The following ARHGAP32 variants were observed in gnomAD, a reference collection of about 807,000 sequenced individuals.
The protein encoded by ARHGAP32 is Rho GTPase activating protein 32.
ARHGAP32 carries 51 observed loss-of-function variants against 186.5 expected under a neutral mutation model. The observed-to-expected ratio is 0.27, with a 90% CI of 0.22 to 0.35. The LOEUF is 0.35. ARHGAP32 is among the 10% of genes least tolerant of loss of function. ARHGAP32 has a pLI of 1.00. For synonymous variants in ARHGAP32, 950 were observed against 964.3 expected, an observed-to-expected ratio of 0.99 and a Z score of 0.27; for missense variants, 2,186 against 2,623.5, an observed-to-expected ratio of 0.83 and a Z score of 3.64.
At chr11:129,139,929 C>T (rs932579369) in intron 2 of ARHGAP32, among the ~76,000 whole-genome samples, 2 of 152,150 alleles carry the variant, frequency 1.3e-5, no homozygotes, top group Non-Finnish European at 2.9e-5. Flanking sequence ...CCCTTGCCCC[C>T]CAAGATTCCC....
At chr11:129,064,812 T>C in intron 8 of ARHGAP32, 29 bp downstream of exon 8, 1 of 1,501,858 alleles carries the variant, frequency 6.7e-7, no homozygotes. Flanking sequence ...TAAATATACA[T>C]TTTTCATGAA....
intron 6 of ARHGAP32, among the ~76,000 whole-genome samples, chr11:129,070,912 G>A (rs1940847038): frequency 6.6e-6 from 1 of 151,882 alleles, no homozygotes; most frequent in South Asian, 2.1e-4. Context: ...ATATTTCTCA[G>A]TCACTTTTAT....
chr11:129,088,576 C>CTTAA (rs949838153), intron 6 of ARHGAP32, among the ~76,000 whole-genome samples: 8 of 152,234 alleles, frequency 5.3e-5, no homozygotes, highest in African/African-American at 1.9e-4. Context: ...GAGACTCCTT[C>CTTAA]TCAATCAATC....
intron 1 of ARHGAP32, among the ~76,000 whole-genome samples, chr11:129,277,472 C>T (rs1335430861): frequency 1.3e-5 from 2 of 152,312 alleles, no homozygotes; most frequent in Admixed American, 6.5e-5. Context: ...TTCCAACTAA[C>T]ATTTCCTCTC....
intron 1 of ARHGAP32, among the ~76,000 whole-genome samples, chr11:129,205,617 G>A (rs1375408166): frequency 6.6e-6 from 1 of 152,050 alleles, no homozygotes; most frequent in African/African-American, 2.4e-5. Flanking sequence ...CAGTCATATT[G>A]TTGAAGTAAT....
At chr11:128,978,975 A>G (rs1028782861) in intron 18 of ARHGAP32, 60 bp from the exon 19 acceptor site, 3 of 1,471,738 alleles carry the variant, frequency 2.0e-6, no homozygotes, top group Non-Finnish European at 2.7e-6. Flanking sequence ...TTTCTTACAG[A>G]AAAGAAATGA....
At chr11:129,088,618 C>A (rs1418310284) in intron 6 of ARHGAP32, among the ~76,000 whole-genome samples, 1 of 152,102 alleles carries the variant, frequency 6.6e-6, no homozygotes, top group Non-Finnish European at 1.5e-5. Context: ...CTTGATCAAC[C>A]AATTTCCAAA....
chr11:128,988,100 T>C lies in ARHGAP32; in HGVS notation c.1221A>G (p.Thr407=). Residue 407 remains threonine, a synonymous_variant, in exon 13 of 23, where the codon ACA becomes ACG. Coordinates refer to ENST00000682385, the MANE Select transcript of ARHGAP32 (RefSeq NM_001378024.1). Reference sequence around the variant, plus strand: ...CGATGCCATATCTCTCAATGAATGCTGTGCAGCTTTGAAGAACCTGCGGCA... The same window carrying C: ...CGATGCCATATCTCTCAATGAATGCCGTGCAGCTTTGAAGAACCTGCGGCA... ...FEVPQVLQSC[T]AFIERYGIVD... 1 of 1,612,998 alleles carries C rather than the reference T, an allele frequency of 6.2e-7. No individual in the cohort carries two copies. Among genetic ancestry groups the C allele is most frequent in the Non-Finnish European group, 8.5e-7 (1 of 1,179,256 alleles).
At chr11:129,197,328 A>G (rs10893989) in intron 1 of ARHGAP32, among the ~76,000 whole-genome samples, 29,591 of 152,128 alleles carry the variant, frequency 0.19, 3,070 homozygotes, top group Non-Finnish European at 0.23. Context: ...GGGGAGGGGT[A>G]TGGACAGGAT....
At chr11:129,035,752 G>A (rs1939304632) in intron 11 of ARHGAP32, among the ~76,000 whole-genome samples, 1 of 152,004 alleles carries the variant, frequency 6.6e-6, no homozygotes, top group African/African-American at 2.4e-5. Context: ...GCAGAGGCAG[G>A]AGAATTGCTT....
intron 10 of ARHGAP32, among the ~76,000 whole-genome samples, chr11:129,056,540 T>C (rs1940260318): frequency 6.6e-6 from 1 of 152,124 alleles, no homozygotes. Flanking sequence ...AGGAACCACA[T>C]CCAGCTCTAT....
Position 129,016,566 on chromosome 11 carries a change from T to C in ARHGAP32, c.1046-18098A>G, listed in dbSNP as rs111740532. Among the ~76,000 whole-genome samples, 24 of 152,380 alleles carry C rather than the reference T, an allele frequency of 1.6e-4. 1 individual carries two copies. The highest frequency in any genetic ancestry group is 5.5e-4 in the African/African-American group (23 of 41,598). ...TCTTACGTGAAAAATGCATATAGCA[T>C]GTAAGACGTCTGTTTCTGAGTTGTC... is the stretch of plus-strand genomic sequence containing the variant. On this transcript the variant is annotated intron_variant, in intron 11 of 22. Coordinates refer to ENST00000682385, the MANE Select transcript of ARHGAP32 (RefSeq NM_001378024.1).
chr11:129,035,173 CCTCTCT>C (rs71057921), intron 11 of ARHGAP32, among the ~76,000 whole-genome samples: 284 of 148,626 alleles, frequency 1.9e-3, no homozygotes, highest in Non-Finnish European at 3.3e-3. Context: ...TGTTTCCTCT[CCTCTCT>C]CTCTCTCTCT....
At chr11:129,154,444 A>T (rs1943357098) in intron 2 of ARHGAP32, among the ~76,000 whole-genome samples, 1 of 152,232 alleles carries the variant, frequency 6.6e-6, no homozygotes, top group African/African-American at 2.4e-5. Flanking sequence ...TGTTTATTGC[A>T]GCACAATTTG....
intron 1 of ARHGAP32, among the ~76,000 whole-genome samples, chr11:129,179,935 AAAGTAT>A (rs1057260342): frequency 6.6e-6 from 1 of 152,182 alleles, no homozygotes; most frequent in Admixed American, 6.6e-5. Flanking sequence ...CCTAAAACTT[AAAGTAT>A]AATAATAAAA....
intron 6 of ARHGAP32, among the ~76,000 whole-genome samples, chr11:129,073,751 CAA>C (rs138968518): frequency 7.1e-6 from 1 of 140,570 alleles, no homozygotes. Context: ...TCACCCTCCT[CAA>C]AAAAAAAACA....
In ARHGAP32 at chr11:129,200,363, G is replaced by A. The variant is rs115886857; in HGVS notation, c.-4-35936C>T. ...ATTGTAACTCCCATAGTTCCCACAC[G>A]TTGTGGGAGGGACCCAGTGGGTGAT... is the stretch of plus-strand genomic sequence containing the variant. On this transcript the variant is annotated intron_variant, in intron 1 of 6. Coordinates refer to the ARHGAP32 transcript ENST00000525234. Among the ~76,000 whole-genome samples the A allele has an allele frequency of 5.5e-3, 843 of 152,262 alleles. 10 individuals are homozygous for A. Among genetic ancestry groups the A allele is most frequent in the African/African-American group, 0.019 (772 of 41,566 alleles).
intron 1 of ARHGAP32, among the ~76,000 whole-genome samples, chr11:129,170,591 T>G (rs945710202): frequency 3.9e-5 from 6 of 152,186 alleles, no homozygotes; most frequent in African/African-American, 1.4e-4. Flanking sequence ...TGATGGCCAT[T>G]TGGGTTGGTT....
At chr11:129,020,477 T>C (rs923526387) in intron 11 of ARHGAP32, among the ~76,000 whole-genome samples, 7 of 152,076 alleles carry the variant, frequency 4.6e-5, no homozygotes, top group African/African-American at 1.7e-4. Context: ...TTTACTTCTT[T>C]ATTTGCTTGC....
Sources: gnomAD v4.1 joint callset for allele counts (sites outside exome capture counted in the v4.1 genomes callset) on GRCh38, gnomAD v4.1.1 for gene constraint, MANE v1.5 for transcripts, NCBI Gene and HGNC (gene_info 2026-07-23, HGNC 2026-07-21) for gene names.